Variants in CSMD3 observed in about 807,000 individuals in gnomAD.
CSMD3 encodes CUB and sushi domain-containing protein 3.
In CSMD3, 177 loss-of-function variants were observed where a neutral mutation model predicts 435.2. The ratio of observed to expected loss-of-function variants is 0.41; its 90% CI spans 0.36 to 0.46. The LOEUF (loss-of-function observed/expected upper bound fraction) is 0.46. Ranked by LOEUF, CSMD3 falls within the 20% of genes least tolerant of loss-of-function variation. The probability of loss-of-function intolerance (pLI) is 0.34; values close to 1 mark genes in which losing one functional copy is unlikely to be tolerated. For synonymous variants in CSMD3, 1,656 were observed against 1,520.5 expected, an observed-to-expected ratio of 1.09 and a Z score of -2.07; for missense variants, 4,265 against 4,504.6, an observed-to-expected ratio of 0.95 and a Z score of 1.52.
intron 69 of CSMD3, among the ~76,000 whole-genome samples, chr8:112,230,018 C>T (rs1296530616): frequency 6.6e-6 from 1 of 151,884 alleles, no homozygotes; most frequent in Non-Finnish European, 1.5e-5. Context: ...GGCAAGAAGA[C>T]ACAGGATTAC....
At chr8:112,941,227 A>G (rs1010068569) in intron 9 of CSMD3, among the ~76,000 whole-genome samples, 1 of 151,894 alleles carries the variant, frequency 6.6e-6, no homozygotes, top group Admixed American at 6.6e-5. Context: ...AAGTAGTCCC[A>G]GAAAATCAGA....
chr8:113,380,113 C>CT lies in CSMD3; in HGVS notation c.178+56563dup, dbSNP rs915780371. On this transcript the variant is annotated intron_variant, in intron 1 of 70. Coordinates refer to ENST00000297405, the MANE Select transcript of CSMD3 (RefSeq NM_198123.2). Reference sequence around the variant, plus strand: ...TACTGTGTCTGCTCTTTGAAAGGTTCTTTTTTTTAACCAGCTATAACATCC... The same window carrying CT: ...TACTGTGTCTGCTCTTTGAAAGGTTCTTTTTTTTTAACCAGCTATAACATCC... Among the ~76,000 whole-genome samples the CT allele has an allele frequency of 1.1e-4, 17 of 151,938 alleles. No homozygotes were observed. In the East Asian group the frequency reaches 1.2e-3, roughly 10 times the overall value.
At chr8:113,325,088 A>C (rs568560982) in intron 1 of CSMD3, among the ~76,000 whole-genome samples, 2 of 152,326 alleles carry the variant, frequency 1.3e-5, no homozygotes, top group African/African-American at 2.4e-5. Context: ...TTTTGATTTT[A>C]CAAGCTCACA....
intron 5 of CSMD3, among the ~76,000 whole-genome samples, chr8:113,097,929 C>G (rs2090214016): frequency 6.6e-6 from 1 of 151,922 alleles, no homozygotes; most frequent in African/African-American, 2.4e-5. Flanking sequence ...ACTTCCTTAC[C>G]TCATTAATAT....
At chr8:113,176,840 A>G (rs961893266) in intron 3 of CSMD3, among the ~76,000 whole-genome samples, 4 of 151,924 alleles carry the variant, frequency 2.6e-5, no homozygotes, top group Admixed American at 6.6e-5. Flanking sequence ...GCAAACCATC[A>G]TGGCACACTT....
At chr8:113,395,625 AAAT>A (rs2094480370) in intron 1 of CSMD3, among the ~76,000 whole-genome samples, 1 of 151,884 alleles carries the variant, frequency 6.6e-6, no homozygotes, top group African/African-American at 2.4e-5. Context: ...AAAAAAAAAA[AAAT>A]TGGAAATCTA....
intron 13 of CSMD3, among the ~76,000 whole-genome samples, chr8:112,730,732 G>GT (rs778455680): frequency 1.2e-4 from 18 of 151,786 alleles, no homozygotes; most frequent in East Asian, 3.9e-4. Context: ...CAGATCAATT[G>GT]TTTTTTTTGT....
chr8:112,596,514 A>T (rs1303454697), intron 22 of CSMD3, among the ~76,000 whole-genome samples: 1 of 152,152 alleles, frequency 6.6e-6, no homozygotes, highest in Non-Finnish European at 1.5e-5. Flanking sequence ...CACCAAGCGG[A>T]CCTAATAGAC....
intron 32 of CSMD3, among the ~76,000 whole-genome samples, chr8:112,430,920 G>T (rs1813630491): frequency 6.6e-6 from 1 of 151,546 alleles, no homozygotes; most frequent in African/African-American, 2.4e-5. Context: ...GTGTGTGTGT[G>T]TTTACTTTCA....
At chr8:113,269,269 T>C (rs2093498605) in intron 3 of CSMD3, among the ~76,000 whole-genome samples, 1 of 152,104 alleles carries the variant, frequency 6.6e-6, no homozygotes, top group African/African-American at 2.4e-5. Context: ...GAAGGACCTC[T>C]TCAAGAACAA....
At chr8:112,743,861 C>G (rs2077369888) in intron 13 of CSMD3, among the ~76,000 whole-genome samples, 1 of 151,874 alleles carries the variant, frequency 6.6e-6, no homozygotes, top group African/African-American at 2.4e-5. Context: ...AAGACAATTG[C>G]CTCTCACTGG....
At chr8:113,245,746 G>T (rs899048998) in intron 3 of CSMD3, among the ~76,000 whole-genome samples, 1 of 151,924 alleles carries the variant, frequency 6.6e-6, no homozygotes, top group African/African-American at 2.4e-5. Context: ...GTTTGGACTT[G>T]AGTTACTGTC....
chr8:113,021,280 A>G (rs1055018916), intron 5 of CSMD3, among the ~76,000 whole-genome samples: 1 of 152,196 alleles, frequency 6.6e-6, no homozygotes, highest in Non-Finnish European at 1.5e-5. Context: ...CATTACTTTC[A>G]GAAAATATAC....
intron 1 of CSMD3, among the ~76,000 whole-genome samples, chr8:113,358,762 C>T (rs2094251130): frequency 6.6e-6 from 1 of 151,648 alleles, no homozygotes; most frequent in African/African-American, 2.4e-5. Flanking sequence ...TATAATGCTT[C>T]TAAAGAAGCA....
intron 2 of CSMD3, among the ~76,000 whole-genome samples, chr8:113,303,810 T>C (rs1204726650): frequency 7.1e-6 from 1 of 140,644 alleles, no homozygotes. Context: ...ATAAAAACCC[T>C]AGAAGAAAAC....
chr8:112,829,628 A>C (rs1455511146), intron 12 of CSMD3, 58 bp downstream of exon 12: 5 of 930,082 alleles, frequency 5.4e-6, no homozygotes, highest in Non-Finnish European at 8.9e-6. Flanking sequence ...ATAATTTGAA[A>C]GTAAAATTTT....
At chr8:112,686,574 C>T (rs933479708) in intron 14 of CSMD3, among the ~76,000 whole-genome samples, 2 of 151,526 alleles carry the variant, frequency 1.3e-5, no homozygotes, top group African/African-American at 4.9e-5. Context: ...GCAACCTCCA[C>T]CTTCCGGGTT....
intron 12 of CSMD3, among the ~76,000 whole-genome samples, chr8:112,826,814 G>A (rs539570008): frequency 7.2e-5 from 11 of 152,252 alleles, no homozygotes; most frequent in Admixed American, 7.2e-4. Context: ...TGAAGATGCA[G>A]TTCTCATTGG....
At chr8:112,246,116 T>C (rs1199646128) in intron 64 of CSMD3, among the ~76,000 whole-genome samples, 2 of 118,992 alleles carry the variant, frequency 1.7e-5, no homozygotes, top group East Asian at 2.3e-4. Flanking sequence ...GAATTCTCCT[T>C]TAAGGAATTT....
Sources: allele counts gnomAD v4.1 joint callset (sites outside exome capture counted in the v4.1 genomes callset), GRCh38; gene constraint gnomAD v4.1.1; transcripts MANE v1.5; gene names NCBI Gene and HGNC (gene_info 2026-07-23, HGNC 2026-07-21).